SPAG16: variants seen among roughly 807,000 people sequenced by gnomAD.
The protein encoded by SPAG16 is sperm-associated antigen 16 protein.
Under a neutral mutation model 80.4 loss-of-function variants are expected in SPAG16, and 86 were observed. The observed-to-expected ratio is 1.07, with a 90% confidence interval of 0.90 to 1.28. The LOEUF (loss-of-function observed/expected upper bound fraction) is 1.28. Ranked by LOEUF, SPAG16 falls within the 50% of genes most tolerant of loss-of-function variation. The pLI is 0.00. For missense variants in SPAG16, 870 were observed against 765.3 expected (o/e 1.14, Z -1.61); for synonymous variants, 294 against 265.9 (o/e 1.11, Z -1.03).
At chr2:213,856,378 T>C (rs973536154) in intron 10 of SPAG16, among the ~76,000 whole-genome samples, 1 of 152,160 alleles carries the variant, frequency 6.6e-6, no homozygotes, top group Non-Finnish European at 1.5e-5. Context: ...AGGTGCACAG[T>C]GCAAGCTGTC....
chr2:214,009,505 C>T (rs1173931203), intron 12 of SPAG16, among the ~76,000 whole-genome samples: 1 of 152,072 alleles, frequency 6.6e-6, no homozygotes, highest in Non-Finnish European at 1.5e-5. Context: ...AGTACAGAAA[C>T]TGGTTACTTT....
At chr2:213,730,521 C>G (rs2066983378) in intron 10 of SPAG16, among the ~76,000 whole-genome samples, 1 of 152,174 alleles carries the variant, frequency 6.6e-6, no homozygotes, top group African/African-American at 2.4e-5. Flanking sequence ...TCACTTCACT[C>G]TCTTGTTTAT....
In SPAG16 at chr2:213,607,396, T is replaced by C. The variant is rs1218620534; in HGVS notation, c.1070+117306T>C. 2.6e-5 allele frequency among the ~76,000 whole-genome samples: 4 copies of C among 152,194 alleles called. No individual in the cohort carries two copies. The South Asian group carries it at 6.2e-4, about 24-fold the overall frequency. ...CTAAGTAATATATTAGGTGTGTGAATTAACTTTCTAGATTAATATTGGTAG... is the reference window on the plus strand; with the variant it reads ...CTAAGTAATATATTAGGTGTGTGAACTAACTTTCTAGATTAATATTGGTAG... On this transcript the variant is annotated intron_variant, in intron 10 of 15. Coordinates refer to ENST00000331683, the MANE Select transcript of SPAG16 (RefSeq NM_024532.5).
chr2:213,896,593 C>CTATATATATATATCTATATATAT (rs1553657365), intron 11 of SPAG16, among the ~76,000 whole-genome samples: 1 of 119,754 alleles, frequency 8.4e-6, no homozygotes, highest in African/African-American at 3.8e-5. Flanking sequence ...CACACACACG[C>CTATATATATATATCTATATATAT]ACACACACAC....
intron 15 of SPAG16, among the ~76,000 whole-genome samples, chr2:214,199,115 C>T (rs2057937430): frequency 1.3e-5 from 2 of 151,934 alleles, no homozygotes; most frequent in Admixed American, 1.3e-4. Flanking sequence ...AATTAGGTTC[C>T]ATTTATTTAT....
intron 10 of SPAG16, among the ~76,000 whole-genome samples, chr2:213,639,633 T>G (rs1189982958): frequency 6.6e-6 from 1 of 152,210 alleles, no homozygotes; most frequent in Non-Finnish European, 1.5e-5. Flanking sequence ...ACATTTTCCT[T>G]TGTAGATTAT....
chr2:214,091,507 A>C (rs1163668556), intron 13 of SPAG16, among the ~76,000 whole-genome samples: 1 of 152,170 alleles, frequency 6.6e-6, no homozygotes, highest in Non-Finnish European at 1.5e-5. Context: ...ATAACAATGT[A>C]CTGAGAAGCA....
intron 13 of SPAG16, among the ~76,000 whole-genome samples, chr2:214,034,800 G>C (rs1370441161): frequency 2.6e-5 from 4 of 152,144 alleles, no homozygotes; most frequent in Non-Finnish European, 5.9e-5. Flanking sequence ...CCTAGGTCTG[G>C]GCTCCCCTAA....
At chr2:213,501,039 A>G (rs1009263109) in intron 10 of SPAG16, among the ~76,000 whole-genome samples, 5 of 152,218 alleles carry the variant, frequency 3.3e-5, no homozygotes. Context: ...CTAATCTCCT[A>G]TCCAAGTACT....
rs558556278 is a variant in SPAG16, at chr2:213,925,893, C to G, written c.1215-4067C>G. Among the ~76,000 whole-genome samples the G allele has an allele frequency of 7.9e-5, 12 of 152,082 alleles. No homozygotes were observed. The East Asian group carries it at 2.3e-3, about 29-fold the overall frequency. ...TAACCTTATTTTTCTTTTTTCCCTC[C>G]TTTTTTTCTTATAATTCTTATTATT... On this transcript the variant is annotated intron_variant, in intron 11 of 15. Transcript: ENST00000331683.
At chr2:213,525,650 T>G (rs2075862330) in intron 10 of SPAG16, among the ~76,000 whole-genome samples, 1 of 152,166 alleles carries the variant, frequency 6.6e-6, no homozygotes, top group African/African-American at 2.4e-5. Flanking sequence ...AGTGTGAGAA[T>G]GGACTAATAC....
At chr2:213,461,178 G>C (rs2072335737) in intron 9 of SPAG16, among the ~76,000 whole-genome samples, 1 of 152,116 alleles carries the variant, frequency 6.6e-6, no homozygotes, top group Admixed American at 6.5e-5. Flanking sequence ...GTAGCTCATA[G>C]GTGAATGGAA....
chr2:213,696,078 C>A (rs1218121778), intron 10 of SPAG16, among the ~76,000 whole-genome samples: 2 of 151,834 alleles, frequency 1.3e-5, no homozygotes, highest in Admixed American at 6.6e-5. Flanking sequence ...AAGAGTATAT[C>A]TAGAGGGTAA....
intron 10 of SPAG16, among the ~76,000 whole-genome samples, chr2:213,694,258 A>G (rs796743864): frequency 1.3e-5 from 2 of 152,164 alleles, no homozygotes; most frequent in South Asian, 2.1e-4. Context: ...TATGGACAAA[A>G]TAGAAACTTC....
intron 15 of SPAG16, among the ~76,000 whole-genome samples, chr2:214,246,210 G>A (rs1403213843): frequency 1.3e-5 from 2 of 151,952 alleles, no homozygotes; most frequent in Non-Finnish European, 2.9e-5. Flanking sequence ...CAAATCCCTG[G>A]ACTCCGTAGT....
At position 213,856,116 on chromosome 2, in the gene SPAG16, A is replaced by G. The variant is rs1260612225; in HGVS notation, c.1071-6369A>G. 6.6e-5 allele frequency among the ~76,000 whole-genome samples: 10 copies of G among 152,342 alleles called. No individual in the cohort carries two copies. The South Asian group carries it at 1.5e-3, about 22-fold the overall frequency. ...CTGGGGATACAGGCAGTTGGTAAATATACCCATTCCAAATGGGAGAAATTG... is the reference window on the plus strand; with the variant it reads ...CTGGGGATACAGGCAGTTGGTAAATGTACCCATTCCAAATGGGAGAAATTG... On this transcript the variant is annotated intron_variant, in intron 10 of 15. Transcript: ENST00000331683.
intron 12 of SPAG16, among the ~76,000 whole-genome samples, chr2:214,008,316 T>A (rs2047122801): frequency 6.6e-6 from 1 of 152,188 alleles, no homozygotes; most frequent in Admixed American, 6.5e-5. Flanking sequence ...TAATAAATCA[T>A]TTGTAGTCTT....
chr2:213,836,175 C>CA lies in SPAG16; in HGVS notation c.1071-26310_1071-26309insA, dbSNP rs2074062589. Among the ~76,000 whole-genome samples the CA allele has an allele frequency of 3.4e-4, 25 of 74,464 alleles. No individual in the cohort carries two copies. The South Asian group carries it at 0.019, about 57-fold the overall frequency. The allele number at this position is 74,464 out of a possible 152,430, so 48.9% of individuals were successfully genotyped here. On this transcript the variant is annotated intron_variant, in intron 10 of 15. Transcript: ENST00000331683. ...AAAAACTTAAGGAATTTTCATTATT[C>CA]GCCCCCCCCCCCATTTCCTATGTCT...
intron 15 of SPAG16, among the ~76,000 whole-genome samples, chr2:214,353,887 T>C (rs921161748): frequency 1.1e-4 from 16 of 152,148 alleles, no homozygotes; most frequent in Non-Finnish European, 1.9e-4. Flanking sequence ...AGTGACTGAA[T>C]TGTATTAATG....
Sources: gnomAD v4.1 joint callset for allele counts (sites outside exome capture counted in the v4.1 genomes callset) on GRCh38, gnomAD v4.1.1 for gene constraint, MANE v1.5 for transcripts, NCBI Gene and HGNC (gene_info 2026-07-23, HGNC 2026-07-21) for gene names.